Variants in APBA1 observed in about 807,000 individuals in gnomAD.
APBA1 encodes amyloid beta precursor protein binding family A member 1.
In APBA1, 55 loss-of-function variants were observed where a neutral mutation model predicts 86.6. The ratio of observed to expected loss-of-function variants is 0.64; its 90% CI spans 0.51 to 0.80. The LOEUF (loss-of-function observed/expected upper bound fraction) is 0.80. APBA1 is among the 30% of genes least tolerant of loss of function. The pLI is 0.00. For missense variants in APBA1, 1,090 were observed against 1,183.0 expected (o/e 0.92, Z 1.15); for synonymous variants, 511 against 493.9 (o/e 1.03, Z -0.46).
intron 1 of APBA1, among the ~76,000 whole-genome samples, chr9:69,606,638 C>G (rs1017665027): frequency 6.6e-6 from 1 of 151,676 alleles, no homozygotes; most frequent in African/African-American, 2.4e-5. Context: ...ACTACAGGCG[C>G]CCACCACCAC....
chr9:69,504,170 C>T (rs1253754563), intron 2 of APBA1, among the ~76,000 whole-genome samples: 1 of 151,902 alleles, frequency 6.6e-6, no homozygotes, highest in Non-Finnish European at 1.5e-5. Context: ...TCTCTTTCTC[C>T]CTCCTGTTCT....
At chr9:69,553,048 C>T (rs1229901509) in intron 1 of APBA1, among the ~76,000 whole-genome samples, 1 of 152,026 alleles carries the variant, frequency 6.6e-6, no homozygotes, top group African/African-American at 2.4e-5. Flanking sequence ...GGAATACAGG[C>T]ATGTGCCACT....
intron 2 of APBA1, among the ~76,000 whole-genome samples, chr9:69,495,111 C>T (rs983052660): frequency 3.3e-5 from 5 of 152,004 alleles, no homozygotes; most frequent in Admixed American, 2.0e-4. Context: ...TCTGAGTGGT[C>T]GAGCAGCCTT....
intron 1 of APBA1, among the ~76,000 whole-genome samples, chr9:69,590,691 C>G (rs1003300115): frequency 3.3e-5 from 5 of 152,134 alleles, no homozygotes; most frequent in Non-Finnish European, 7.3e-5. Flanking sequence ...GAAAGAGAAC[C>G]GTGCTCTAAT....
chr9:69,539,017 A>G (rs982310241), intron 1 of APBA1, among the ~76,000 whole-genome samples: 3 of 152,148 alleles, frequency 2.0e-5, no homozygotes, highest in African/African-American at 4.8e-5. Flanking sequence ...TCTTCTCTCC[A>G]GGCTTCCAGG....
intron 1 of APBA1, among the ~76,000 whole-genome samples, chr9:69,552,412 A>G (rs1836799863): frequency 6.6e-6 from 1 of 152,212 alleles, no homozygotes; most frequent in Non-Finnish European, 1.5e-5. Context: ...ACGAAAATCA[A>G]TTCACATTGA....
intron 1 of APBA1, among the ~76,000 whole-genome samples, chr9:69,647,441 C>T (rs149101062): frequency 1.3e-5 from 2 of 152,282 alleles, no homozygotes; most frequent in African/African-American, 4.8e-5. Flanking sequence ...AAGAGTTTAT[C>T]AGCATTTTGC....
Position 69,516,335 on chromosome 9 carries a change from G to A in APBA1, c.876C>T (p.Asp292=), listed in dbSNP as rs1836146767. ...CCAGGTCCTGCTCGGCCTCAGGCAT[G>A]TCCTCGGCTGCCTTGTCGAGGCTCT... is the stretch of plus-strand genomic sequence containing the variant. ...SSQSLDKAAE[D]MPEAEQDLER... The change falls in exon 2 of 13, where the codon GAC becomes GAT. Residue 292 remains aspartate (D), a synonymous_variant. Coordinates refer to ENST00000265381, the MANE Select transcript of APBA1 (RefSeq NM_001163.4). This position sits in a 1 kb window ranked among gnomAD's most constrained non-coding sequence, Gnocchi z 7.3. The A allele has an allele frequency of 1.3e-6, 2 of 1,595,554 alleles. No homozygotes were observed. Among genetic ancestry groups the A allele is most frequent in the South Asian group, 1.1e-5 (1 of 90,248 alleles).
intron 1 of APBA1, among the ~76,000 whole-genome samples, chr9:69,616,850 G>T (rs560591739): frequency 2.0e-5 from 3 of 152,098 alleles, no homozygotes; most frequent in African/African-American, 7.2e-5. Context: ...GGTCAAAAGG[G>T]GGGAATGTGA....
chr9:69,593,912 T>C (rs1456753870), intron 1 of APBA1, among the ~76,000 whole-genome samples: 1 of 152,378 alleles, frequency 6.6e-6, no homozygotes, highest in Non-Finnish European at 1.5e-5. Context: ...TTTTGTGACC[T>C]TGATTACTCA....
chr9:69,510,723 G>T (rs1411924830), intron 2 of APBA1, among the ~76,000 whole-genome samples: 2 of 144,190 alleles, frequency 1.4e-5, no homozygotes, highest in African/African-American at 5.5e-5. Flanking sequence ...CCAAAACAGA[G>T]ATATAGATCA....
At chr9:69,487,139 G>T (rs1254717999) in intron 2 of APBA1, among the ~76,000 whole-genome samples, 1 of 152,010 alleles carries the variant, frequency 6.6e-6, no homozygotes, top group Non-Finnish European at 1.5e-5. Flanking sequence ...TTCTAGAAAG[G>T]CCTGAGGACT....
At chr9:69,573,129 C>A (rs1443185841) in intron 1 of APBA1, among the ~76,000 whole-genome samples, 1 of 152,028 alleles carries the variant, frequency 6.6e-6, no homozygotes, top group African/African-American at 2.4e-5. Flanking sequence ...CACTGCACTC[C>A]AGCCTCGCGA....
At chr9:69,632,747 T>C (rs970887234) in intron 1 of APBA1, among the ~76,000 whole-genome samples, 1 of 152,212 alleles carries the variant, frequency 6.6e-6, no homozygotes, top group Non-Finnish European at 1.5e-5. Context: ...TTTTGCTGTA[T>C]AGAACAATCC....
At chr9:69,439,814 C>A (rs111996837) in intron 11 of APBA1, among the ~76,000 whole-genome samples, 1 of 152,192 alleles carries the variant, frequency 6.6e-6, no homozygotes, top group Admixed American at 6.5e-5. Flanking sequence ...AGCTTTGTTC[C>A]GTTGCTGGTA....
chr9:69,531,356 A>C (rs72719005), intron 1 of APBA1, among the ~76,000 whole-genome samples: 9,571 of 152,190 alleles, frequency 0.063, 345 homozygotes, highest in African/African-American at 0.095. Flanking sequence ...CAAAGAAAAG[A>C]CCCTTCAATT....
In APBA1 at chr9:69,516,183, C is replaced by T. The variant is rs1836140035; in HGVS notation, c.1028G>A (p.Arg343His). 4 of 1,609,334 alleles carry T rather than the reference C, an allele frequency of 2.5e-6. No individual in the cohort carries two copies. The highest frequency in any genetic ancestry group is 3.4e-6 in the Non-Finnish European group (4 of 1,177,962). ...CTTGATGGCCAGCGAGATGGCATCG[C>T]GCTTCTCCTTGCTGTACCGCTGCCC... ...EAGQRYSKEK[R>H]DAISLAIKDI... Residue 343 changes from arginine to histidine, a missense_variant, in exon 2 of 13, where the codon CGC (arginine) becomes CAC (histidine). Transcript: ENST00000265381. This position sits in a 1 kb window ranked among gnomAD's most constrained non-coding sequence, Gnocchi z 7.3.
intron 1 of APBA1, among the ~76,000 whole-genome samples, chr9:69,595,994 C>A (rs767002631): frequency 3.2e-4 from 49 of 152,226 alleles, no homozygotes; most frequent in African/African-American, 1.1e-3. Context: ...GCATCCCCCC[C>A]ACCCCTTTTG....
intron 4 of APBA1, 86 bp from the exon 5 acceptor site, chr9:69,468,054 C>T (rs10867613): frequency 6.6e-7 from 1 of 1,526,622 alleles, no homozygotes; most frequent in East Asian, 2.3e-5. Context: ...CTCTCCCATG[C>T]CTCACTGCTG....
Sources: gnomAD v4.1 joint callset for allele counts (sites outside exome capture counted in the v4.1 genomes callset) on GRCh38, gnomAD v4.1.1 for gene constraint, Gnocchi (gnomAD v3.1) non-coding constraint, MANE v1.5 for transcripts, NCBI Gene and HGNC (gene_info 2026-07-23, HGNC 2026-07-21) for gene names.